The following ASIC2 variants were observed in gnomAD, a reference collection of about 807,000 sequenced individuals.
ASIC2 encodes acid-sensing ion channel 2.
A neutral mutation model predicts 57.3 loss-of-function variants in ASIC2; 25 were observed. The observed-to-expected ratio is 0.44, with a 90% CI of 0.32 to 0.61. ASIC2 has a LOEUF of 0.61. ASIC2 is among the 20% of genes least tolerant of loss of function. ASIC2 has a pLI of 0.06. For missense variants in ASIC2, 641 were observed against 738.1 expected, an observed-to-expected ratio of 0.87 and a Z score of 1.52; for synonymous variants, 319 against 307.5, an observed-to-expected ratio of 1.04 and a Z score of -0.39.
chr17:33,781,970 A>T (rs1597873804), intron 1 of ASIC2, among the ~76,000 whole-genome samples: 1 of 150,942 alleles, frequency 6.6e-6, no homozygotes. Context: ...TTCTGTAGGA[A>T]CCTCCCCTGC....
intron 1 of ASIC2, among the ~76,000 whole-genome samples, chr17:33,396,534 G>T (rs989105706): frequency 1.3e-5 from 2 of 152,166 alleles, no homozygotes; most frequent in Non-Finnish European, 2.9e-5. Context: ...CAGGGAAGTG[G>T]TGGTGCTGGG....
chr17:33,926,259 C>G (rs1426617599), intron 1 of ASIC2, among the ~76,000 whole-genome samples: 5 of 152,174 alleles, frequency 3.3e-5, no homozygotes. Flanking sequence ...GAGTAGTTCA[C>G]TTAATCCTCA....
At chr17:33,946,286 G>T (rs1318252544) in intron 1 of ASIC2, among the ~76,000 whole-genome samples, 1 of 151,690 alleles carries the variant, frequency 6.6e-6, no homozygotes, top group Admixed American at 6.6e-5. Flanking sequence ...ATCTTACCAT[G>T]GGTGAAAGAC....
At chr17:33,939,206 G>A (rs528504613) in intron 1 of ASIC2, among the ~76,000 whole-genome samples, 2 of 152,302 alleles carry the variant, frequency 1.3e-5, no homozygotes, top group African/African-American at 2.4e-5. Flanking sequence ...ATATCACAAG[G>A]ACATCTCCCG....
chr17:33,643,467 C>T (rs1906646305), intron 1 of ASIC2, among the ~76,000 whole-genome samples: 1 of 152,174 alleles, frequency 6.6e-6, no homozygotes, highest in Non-Finnish European at 1.5e-5. Context: ...TTATTTTCAA[C>T]ATATAGTCAC....
intron 5 of ASIC2, 115 bp downstream of exon 5, chr17:33,025,811 T>C: frequency 9.7e-7 from 1 of 1,036,200 alleles, no homozygotes; most frequent in Non-Finnish European, 1.4e-6. Flanking sequence ...CCCTTTCTTC[T>C]CATCCTCTCT....
chr17:33,797,503 T>C (rs1911952348), intron 1 of ASIC2, among the ~76,000 whole-genome samples: 2 of 152,162 alleles, frequency 1.3e-5, no homozygotes, highest in African/African-American at 4.8e-5. Context: ...CTTATAATTG[T>C]TGTTGTCATT....
chr17:33,809,857 T>A (rs1160822965), intron 1 of ASIC2, among the ~76,000 whole-genome samples: 1 of 152,226 alleles, frequency 6.6e-6, no homozygotes, highest in African/African-American at 2.4e-5. Flanking sequence ...ACAGCACATA[T>A]TCCTGCTGAA....
rs181446535 is a variant in ASIC2, at chr17:33,823,720, G to A, written c.555+332258C>T. The stretch of plus-strand genomic sequence containing the variant: ...ACCAGTAATCCCAGACCTCTTCTGG[G>A]TTAGATAGAAGGCAGATCTGGGTAC... On this transcript the variant is annotated intron_variant, in intron 1 of 9. Coordinates refer to the ASIC2 transcript ENST00000359872. Among the ~76,000 whole-genome samples, 462 of 152,300 alleles carry A rather than the reference G, an allele frequency of 3.0e-3. 4 individuals carry two copies. Among genetic ancestry groups the A allele is most frequent in the African/African-American group, 0.011 (442 of 41,570 alleles).
At chr17:33,722,560 A>ACT (rs1909420965) in intron 1 of ASIC2, among the ~76,000 whole-genome samples, 2 of 151,866 alleles carry the variant, frequency 1.3e-5, no homozygotes, top group South Asian at 4.2e-4. Flanking sequence ...TGAAGCCAGG[A>ACT]GTTAGAGACC....
chr17:33,192,883 G>T (rs759956343), intron 1 of ASIC2, among the ~76,000 whole-genome samples: 3 of 152,124 alleles, frequency 2.0e-5, no homozygotes, highest in Non-Finnish European at 4.4e-5. Context: ...TTTCCGCCAT[G>T]TGATTAAATA....
intron 1 of ASIC2, among the ~76,000 whole-genome samples, chr17:33,795,394 C>G (rs908592336): frequency 6.6e-6 from 1 of 152,266 alleles, no homozygotes; most frequent in Non-Finnish European, 1.5e-5. Flanking sequence ...TCTCTCTTTG[C>G]CCCATCCTTT....
intron 1 of ASIC2, among the ~76,000 whole-genome samples, chr17:33,427,093 G>GTGGA (rs1911244822): frequency 6.6e-6 from 1 of 152,206 alleles, no homozygotes; most frequent in South Asian, 2.1e-4. Context: ...TGAGGCTGGG[G>GTGGA]TGGAGGACAA....
At chr17:33,397,923 T>C (rs1910138458) in intron 1 of ASIC2, among the ~76,000 whole-genome samples, 1 of 152,206 alleles carries the variant, frequency 6.6e-6, no homozygotes, top group Non-Finnish European at 1.5e-5. Flanking sequence ...TCTTTTTGAG[T>C]CACAGTGATT....
intron 1 of ASIC2, among the ~76,000 whole-genome samples, chr17:33,732,562 G>A (rs1398361811): frequency 1.3e-5 from 2 of 148,212 alleles, no homozygotes; most frequent in Admixed American, 6.7e-5. Flanking sequence ...GCTGTGGTGC[G>A]ATCCTGGCTA....
chr17:33,799,860 C>T (rs1912080550), intron 1 of ASIC2, among the ~76,000 whole-genome samples: 1 of 152,120 alleles, frequency 6.6e-6, no homozygotes, highest in African/African-American at 2.4e-5. Context: ...CAGTATACAA[C>T]CTGCACGGCC....
In ASIC2 at chr17:33,579,270, G is replaced by T. The variant is rs924397599; in HGVS notation, c.556-467203C>A. ...CATTGCACTCCAGCCTGGGTAGCAC[G>T]AATGAAACTGTGTCTCAAAAAAAAA... On this transcript the variant is annotated intron_variant, in intron 1 of 9. Transcript: ENST00000359872. Among the ~76,000 whole-genome samples the T allele has an allele frequency of 2.3e-5, 3 of 128,060 alleles. No individual in the cohort carries two copies. In the Admixed American group the frequency reaches 2.5e-4, roughly 11 times the overall value. 84.0% of individuals were successfully genotyped at this position (128,060 alleles called of 152,430 possible). A position where few individuals can be genotyped will look rare whatever the true frequency, so the allele number is the denominator to read the frequency against.
intron 1 of ASIC2, among the ~76,000 whole-genome samples, chr17:33,175,629 TAA>T (rs1169743998): frequency 1.3e-5 from 2 of 152,176 alleles, no homozygotes; most frequent in Non-Finnish European, 2.9e-5. Context: ...TCTCTACTAT[TAA>T]AGAGGCAACA....
At chr17:34,029,286 T>C (rs1174941712) in intron 1 of ASIC2, among the ~76,000 whole-genome samples, 4 of 149,554 alleles carry the variant, frequency 2.7e-5, no homozygotes, top group Admixed American at 1.4e-4. Context: ...ATTACTGTCA[T>C]CCAGTGTCAA....
Sources: allele counts gnomAD v4.1 joint callset (sites outside exome capture counted in the v4.1 genomes callset), GRCh38; gene constraint gnomAD v4.1.1; transcripts MANE v1.5; gene names NCBI Gene and HGNC (gene_info 2026-07-23, HGNC 2026-07-21).